Variants in TOLLIP observed in about 807,000 individuals in gnomAD.
TOLLIP encodes the protein toll-interacting protein.
Under a neutral mutation model 33.5 loss-of-function variants are expected in TOLLIP, and 16 were observed. That is an observed-to-expected ratio of 0.48 (90% CI 0.32 to 0.72). The LOEUF (loss-of-function observed/expected upper bound fraction) is 0.72. Ranked by LOEUF, TOLLIP falls within the 30% of genes least tolerant of loss-of-function variation. TOLLIP has a pLI of 0.03. For synonymous variants in TOLLIP, 176 were observed against 163.7 expected (o/e 1.07, Z -0.57); for missense variants, 325 against 396.6 (o/e 0.82, Z 1.53).
At chr11:1,288,559 G>C in intron 4 of TOLLIP, 65 bp downstream of exon 4, 1 of 1,517,718 alleles carries the variant, frequency 6.6e-7, no homozygotes, top group Non-Finnish European at 8.9e-7. Flanking sequence ...TCTGTGGGGC[G>C]GCATAGCCCC....
At chr11:1,292,800 C>T (rs991985269) in intron 2 of TOLLIP, among the ~76,000 whole-genome samples, 23 of 152,236 alleles carry the variant, frequency 1.5e-4, no homozygotes, top group African/African-American at 3.6e-4. Flanking sequence ...AGACACACAG[C>T]GCAGCAGACG....
In TOLLIP at chr11:1,290,174, C is replaced by T. The variant is rs964106311; in HGVS notation, c.366+53G>A. On this transcript the variant is annotated intron_variant, in intron 3 of 5. Coordinates refer to ENST00000317204, the MANE Select transcript of TOLLIP (RefSeq NM_019009.4). This position sits in a 1 kb window ranked among gnomAD's most constrained non-coding sequence, Gnocchi z 4.9. ...TGTGTTGGCAGGTGTGTCCCCACGG[C>T]AGCCACGCTCAGCCACGTGCAGCCT... The T allele has an allele frequency of 6.3e-7, 1 of 1,575,174 alleles. No homozygotes were observed. Among genetic ancestry groups the T allele is most frequent in the Non-Finnish European group, 8.7e-7 (1 of 1,153,924 alleles).
chr11:1,288,550 C>T lies in TOLLIP; in HGVS notation c.519+74G>A, dbSNP rs540939436. The T allele has an allele frequency of 7.7e-4, 1,148 of 1,499,946 alleles. 1 individual carries two copies. The highest frequency in any genetic ancestry group is 9.7e-4 in the Non-Finnish European group (1,085 of 1,116,236). The allele number at this position is 1,499,946 out of a possible 1,614,324, so 92.9% of individuals were successfully genotyped here. ...GCCTCCAGGAAAGAGACAAGGGTGT[C>T]TGTGGGGCGGCATAGCCCCGACGTG... On this transcript the variant is annotated intron_variant, in intron 4 of 5. Transcript: ENST00000317204.
intron 1 of TOLLIP, chr11:1,305,945 G>A (rs970868721): frequency 6.6e-6 from 1 of 151,770 alleles, no homozygotes; most frequent in Admixed American, 6.6e-5. Context: ...TCCTCGCGGG[G>A]GCCCGCACGG....
Position 1,306,400 on chromosome 11 carries a change from G to A in TOLLIP, c.33+3066C>T, listed in dbSNP as rs537022895. Among the ~76,000 whole-genome samples, 148 of 152,066 alleles carry A rather than the reference G, an allele frequency of 9.7e-4. 2 individuals carry two copies. The highest frequency in any genetic ancestry group is 3.4e-3 in the African/African-American group (140 of 41,470). ...ATCTTGCCGTCTCCCCTTATCACTA[G>A]GGGGAGGCAACGGCTAGACCACAGT... is the stretch of plus-strand genomic sequence containing the variant. On this transcript the variant is annotated intron_variant, in intron 1 of 5. Transcript: ENST00000317204.
In TOLLIP at chr11:1,309,587, A is replaced by T; in HGVS notation, c.-89T>A. 1.6e-6 allele frequency: 1 copy of T among 626,816 alleles called. No individual in the cohort carries two copies. The highest frequency in any genetic ancestry group is 2.3e-6 in the Non-Finnish European group (1 of 440,438). 38.8% of individuals were successfully genotyped at this position (626,816 alleles called of 1,614,324 possible). On this transcript the variant is annotated 5_prime_UTR_variant, in exon 1 of 6. Coordinates refer to ENST00000317204, the MANE Select transcript of TOLLIP (RefSeq NM_019009.4). ...CCCCGCCGGAGCCTGCGACGGAGAC[A>T]GTTGTCACCTCGAGGCCGCCGCCGC... is the stretch of plus-strand genomic sequence containing the variant.
intron 5 of TOLLIP, chr11:1,283,665 A>C: frequency 2.3e-6 from 1 of 436,732 alleles, no homozygotes; most frequent in Admixed American, 2.5e-5. Flanking sequence ...CAAACTTGAA[A>C]GGCATCTACA....
At chr11:1,283,330 T>C (rs528158121) in intron 5 of TOLLIP, 11 of 339,486 alleles carry the variant, frequency 3.2e-5, no homozygotes, top group Middle Eastern at 1.1e-3. Flanking sequence ...GGCAAGGCCA[T>C]GGAGGGCCAG....
chr11:1,299,981 G>C (rs779825248), intron 1 of TOLLIP, among the ~76,000 whole-genome samples: 7 of 152,246 alleles, frequency 4.6e-5, no homozygotes, highest in Non-Finnish European at 7.3e-5. Context: ...GGAGGCCTCT[G>C]TCGACACCAA....
rs1223291629 is a variant in TOLLIP, at chr11:1,290,079, A to G, written c.366+148T>C. On this transcript the variant is annotated intron_variant, in intron 3 of 5. Transcript: ENST00000317204. The surrounding 1 kb of genome is among the most constrained non-coding windows in gnomAD (Gnocchi z 4.9). The stretch of plus-strand genomic sequence containing the variant: ...CTTTTTCACATTCCTTGGGGAGAGC[A>G]GGACCCTGTCATGCACCCAATGAAA... The G allele has an allele frequency of 2.7e-5, 19 of 694,098 alleles. 1 individual carries two copies. The highest frequency in any genetic ancestry group is 4.1e-5 in the Non-Finnish European group (17 of 411,966). The allele number at this position is 694,098 out of a possible 1,614,324, so 43.0% of individuals were successfully genotyped here.
chr11:1,289,311 G>C (rs997802073), intron 3 of TOLLIP, among the ~76,000 whole-genome samples: 3 of 152,226 alleles, frequency 2.0e-5, no homozygotes, highest in Admixed American at 2.0e-4. Context: ...CAGGCAGGGA[G>C]GGCTGGCCGT....
At chr11:1,304,034 TAAA>T (rs1190313088) in intron 1 of TOLLIP, among the ~76,000 whole-genome samples, 14 of 87,864 alleles carry the variant, frequency 1.6e-4, no homozygotes, top group Admixed American at 2.5e-4. Context: ...AGCCTCCATG[TAAA>T]AAAAAAAAAA....
At chr11:1,297,323 G>A (rs1864141181) in intron 1 of TOLLIP, among the ~76,000 whole-genome samples, 1 of 152,192 alleles carries the variant, frequency 6.6e-6, no homozygotes, top group African/African-American at 2.4e-5. Context: ...GCACTTCAAA[G>A]GACCCCGAGA....
chr11:1,292,886 G>A (rs1174545470), intron 2 of TOLLIP, among the ~76,000 whole-genome samples: 2 of 152,282 alleles, frequency 1.3e-5, no homozygotes, highest in Non-Finnish European at 2.9e-5. Context: ...AGAGCTGCAG[G>A]AAGCGGGAGG....
chr11:1,278,124 G>A lies in TOLLIP; in HGVS notation c.611-871C>T, dbSNP rs889872549. Among the ~76,000 whole-genome samples the A allele has an allele frequency of 6.6e-6, 1 of 152,102 alleles. No individual in the cohort carries two copies. The stretch of plus-strand genomic sequence containing the variant: ...CACCGTGTGGCCGGACTTAAGACTC[G>A]CCTCCCAGCCTGGTGGCCGCTCCCT... On this transcript the variant is annotated intron_variant, in intron 5 of 5. Coordinates refer to ENST00000317204, the MANE Select transcript of TOLLIP (RefSeq NM_019009.4). The surrounding 1 kb of genome is among the most constrained non-coding windows in gnomAD (Gnocchi z 4.7).
chr11:1,289,729 A>G (rs542554900), intron 3 of TOLLIP, among the ~76,000 whole-genome samples: 9 of 128,684 alleles, frequency 7.0e-5, no homozygotes, highest in Non-Finnish European at 1.3e-4. Context: ...GGTGTGCGGC[A>G]AGACCCTGTG....
Position 1,303,638 on chromosome 11 carries a change from C to G in TOLLIP, c.33+5828G>C, listed in dbSNP as rs764148191. 6.6e-6 allele frequency among the ~76,000 whole-genome samples: 1 copy of G among 152,186 alleles called. No individual in the cohort carries two copies. The highest frequency in any genetic ancestry group is 1.5e-5 in the Non-Finnish European group (1 of 68,038). On this transcript the variant is annotated intron_variant, in intron 1 of 5. Transcript: ENST00000317204. This position sits in a 1 kb window ranked among gnomAD's most constrained non-coding sequence, Gnocchi z 4.2. ...ACCAGCACGGTGCCAGGGCAGGGCC[C>G]GCAGGATCTGGAGACAGTGACTCAG...
rs927198127 is a variant in TOLLIP at position 1,277,987 on chromosome 11, G to A, written c.611-734C>T. 6.6e-6 allele frequency among the ~76,000 whole-genome samples: 1 copy of A among 152,178 alleles called. No homozygotes were observed. The highest frequency in any genetic ancestry group is 1.5e-5 in the Non-Finnish European group (1 of 68,026). On this transcript the variant is annotated intron_variant, in intron 5 of 5. Transcript: ENST00000317204. This position sits in a 1 kb window ranked among gnomAD's most constrained non-coding sequence, Gnocchi z 4.2. The stretch of plus-strand genomic sequence containing the variant: ...GGGTTCCTGGCATCTCCACCCCACA[G>A]CTACGCAGGCCCCTCGCCCCATGTC...
intron 5 of TOLLIP, among the ~76,000 whole-genome samples, chr11:1,279,529 C>T (rs566569829): frequency 1.3e-5 from 2 of 152,276 alleles, no homozygotes; most frequent in Admixed American, 6.5e-5. Flanking sequence ...CATGGGAGCC[C>T]GGGGCAGCCC....
Sources: gnomAD v4.1 joint callset for allele counts (sites outside exome capture counted in the v4.1 genomes callset) on GRCh38, gnomAD v4.1.1 for gene constraint, Gnocchi (gnomAD v3.1) non-coding constraint, MANE v1.5 for transcripts, NCBI Gene and HGNC (gene_info 2026-07-23, HGNC 2026-07-21) for gene names.